The following FBXW8 variants were observed in gnomAD, a reference collection of about 807,000 sequenced individuals.
FBXW8 encodes the protein F-box and WD repeat domain containing 8, also known as F-box/WD repeat-containing protein 8.
FBXW8 carries 57 observed loss-of-function variants against 65.3 expected under a neutral mutation model. The observed-to-expected ratio is 0.87, with a 90% CI of 0.71 to 1.09. FBXW8 has a LOEUF of 1.09. Ranked by LOEUF, FBXW8 falls within the 50% of genes least tolerant of loss-of-function variation. The pLI is 0.00. For missense variants in FBXW8, 777 were observed against 814.8 expected, an observed-to-expected ratio of 0.95 and a Z score of 0.57; for synonymous variants, 308 against 330.2, an observed-to-expected ratio of 0.93 and a Z score of 0.73.
intron 5 of FBXW8, among the ~76,000 whole-genome samples, chr12:116,971,470 A>C (rs1025307793): frequency 2.0e-5 from 3 of 152,016 alleles, no homozygotes; most frequent in Non-Finnish European, 1.5e-5. Context: ...AGGATGTTAG[A>C]GATTGTTTCA....
chr12:116,916,911 T>TGTGTGTGTGTGTGAGA (rs59006120), intron 1 of FBXW8, among the ~76,000 whole-genome samples: 3 of 145,620 alleles, frequency 2.1e-5, no homozygotes, highest in Non-Finnish European at 4.5e-5. Flanking sequence ...TGTGTGTGTG[T>TGTGTGTGTGTGTGAGA]GAGAGAGAGA....
chr12:116,964,642 C>G, intron 4 of FBXW8, 55 bp from the exon 5 acceptor site: 1 of 1,603,566 alleles, frequency 6.2e-7, no homozygotes, highest in Non-Finnish European at 8.5e-7. Flanking sequence ...ATTTTCCCCA[C>G]CATAGCCCTG....
At chr12:117,016,595 C>G (rs1472089898) in intron 8 of FBXW8, among the ~76,000 whole-genome samples, 2 of 149,168 alleles carry the variant, frequency 1.3e-5, no homozygotes, top group African/African-American at 4.9e-5. Flanking sequence ...ACATTGTATT[C>G]TTTGAAGCAC....
chr12:116,913,994 A>AG (rs1193377854), intron 1 of FBXW8, among the ~76,000 whole-genome samples: 1 of 152,216 alleles, frequency 6.6e-6, no homozygotes, highest in East Asian at 1.9e-4. Flanking sequence ...TTTGTAGGCC[A>AG]GGTGTGGTGG....
chr12:116,952,932 T>C (rs1442848551), intron 4 of FBXW8, among the ~76,000 whole-genome samples: 1 of 152,130 alleles, frequency 6.6e-6, no homozygotes, highest in Non-Finnish European at 1.5e-5. Flanking sequence ...GAGATGGGGT[T>C]TCACCATGTT....
chr12:117,015,744 T>C (rs578009725), intron 8 of FBXW8, among the ~76,000 whole-genome samples: 1 of 151,770 alleles, frequency 6.6e-6, no homozygotes, highest in Non-Finnish European at 1.5e-5. Flanking sequence ...TTCAGTGTTT[T>C]AAGTAGGTCC....
intron 1 of FBXW8, among the ~76,000 whole-genome samples, chr12:116,919,173 C>T (rs1406550539): frequency 6.6e-6 from 1 of 152,148 alleles, no homozygotes; most frequent in Admixed American, 6.5e-5. Context: ...TCTGTTCATC[C>T]AACATATATT....
intron 7 of FBXW8, among the ~76,000 whole-genome samples, chr12:116,991,975 A>G (rs898498956): frequency 1.3e-5 from 2 of 152,104 alleles, no homozygotes; most frequent in Non-Finnish European, 2.9e-5. Context: ...ACCCATTCCT[A>G]TATCTGGCTA....
At chr12:116,974,123 A>G (rs1212971783) in intron 5 of FBXW8, among the ~76,000 whole-genome samples, 1 of 152,196 alleles carries the variant, frequency 6.6e-6, no homozygotes, top group Non-Finnish European at 1.5e-5. Context: ...TGACTTGAGG[A>G]GGCCCCAGTG....
At chr12:117,024,969 G>GA (rs1468289624) in intron 9 of FBXW8, among the ~76,000 whole-genome samples, 1 of 152,164 alleles carries the variant, frequency 6.6e-6, no homozygotes, top group Non-Finnish European at 1.5e-5. Flanking sequence ...GAGGTAGGTA[G>GA]GTTTACGCCA....
At chr12:116,982,623 A>ATTT (rs11288865) in intron 5 of FBXW8, among the ~76,000 whole-genome samples, 128 of 143,496 alleles carry the variant, frequency 8.9e-4, no homozygotes, top group African/African-American at 3.1e-3. Flanking sequence ...GGAGCCCTGG[A>ATTT]TTTTTTTTTT....
Position 116,913,440 on chromosome 12 carries a change from T to G in FBXW8, c.318+2085T>G, listed in dbSNP as rs558796101. Among the ~76,000 whole-genome samples the G allele has an allele frequency of 2.2e-4, 33 of 152,346 alleles. 1 individual carries two copies. The Middle Eastern group carries it at 0.01, about 47-fold the overall frequency. On this transcript the variant is annotated intron_variant, in intron 1 of 10. Transcript: ENST00000652555. ...TACTGTTGACCAGAAGCCTTATAGA[T>G]AAGTCAGTTAACACATATTTTGTAT...
At chr12:117,010,498 A>G (rs909666070) in intron 8 of FBXW8, 48 bp downstream of exon 8, 1 of 1,613,274 alleles carries the variant, frequency 6.2e-7, no homozygotes, top group Non-Finnish European at 8.5e-7. Flanking sequence ...GGCTTCTGCC[A>G]AGGCCCGGCC....
At chr12:117,007,557 A>G (rs1002229899) in intron 7 of FBXW8, among the ~76,000 whole-genome samples, 3 of 152,216 alleles carry the variant, frequency 2.0e-5, no homozygotes, top group Admixed American at 1.3e-4. Context: ...ACCATCCTCA[A>G]CATCATCTTT....
At chr12:116,945,281 A>G (rs1408911323) in intron 2 of FBXW8, 83 bp from the exon 3 acceptor site, 6 of 1,393,388 alleles carry the variant, frequency 4.3e-6, no homozygotes, top group African/African-American at 1.4e-5. Context: ...CAGGGCAATA[A>G]TATAGGTGTT....
At chr12:116,949,751 T>C in intron 4 of FBXW8, 45 bp downstream of exon 4, 1 of 1,569,750 alleles carries the variant, frequency 6.4e-7, no homozygotes, top group Non-Finnish European at 8.8e-7. Flanking sequence ...CTGAAGGTCT[T>C]TCATTTTTCT....
At chr12:116,955,032 G>GA (rs1376262185) in intron 4 of FBXW8, among the ~76,000 whole-genome samples, 1 of 82,094 alleles carries the variant, frequency 1.2e-5, no homozygotes, top group East Asian at 6.8e-4. Context: ...TTCCCCTCTT[G>GA]AAATGGGGGG....
chr12:116,936,238 G>GGCA lies in FBXW8; in HGVS notation c.423+8112_423+8113insCAG, dbSNP rs1427950428. Among the ~76,000 whole-genome samples, 1 of 152,194 alleles carries GGCA rather than the reference G, an allele frequency of 6.6e-6. No individual in the cohort carries two copies. The highest frequency in any genetic ancestry group is 1.9e-4 in the East Asian group (1 of 5,194). On this transcript the variant is annotated intron_variant, in intron 2 of 10. Transcript: ENST00000652555. The surrounding 1 kb of genome is among the most constrained non-coding windows in gnomAD (Gnocchi z 4.6). ...GGCAGAGTGGAATAGCAAGGACGAA[G>GGCA]GACTTGAGGCAGACACAGCTGAAGC...
Position 117,010,406 on chromosome 12 carries a change from C to T in FBXW8, c.1323C>T (p.Ser441=), listed in dbSNP as rs974768918. 3 of 1,614,196 alleles carry T rather than the reference C, an allele frequency of 1.9e-6. No homozygotes were observed. Among genetic ancestry groups the T allele is most frequent in the Non-Finnish European group, 2.5e-6 (3 of 1,180,042 alleles). The stretch of plus-strand genomic sequence containing the variant: ...GTGACTTCACGTGTGTCAACCTCAG[C>T]GACAGCCCTCCCAACCTCATGGTCA... The part of the protein sequence containing the change: ...VLRDFTCVNL[S]DSPPNLMVSG... The change falls in exon 8 of 11, where the codon AGC becomes AGT. Residue 441 remains serine, a synonymous_variant. Coordinates refer to ENST00000652555, the MANE Select transcript of FBXW8 (RefSeq NM_153348.3).
Sources: gnomAD v4.1 joint callset for allele counts (sites outside exome capture counted in the v4.1 genomes callset) on GRCh38, gnomAD v4.1.1 for gene constraint, Gnocchi (gnomAD v3.1) non-coding constraint, MANE v1.5 for transcripts, NCBI Gene and HGNC (gene_info 2026-07-23, HGNC 2026-07-21) for gene names.